The following RPS6KB1 variants were observed in gnomAD, a reference collection of about 807,000 sequenced individuals.
The protein encoded by RPS6KB1 is ribosomal protein S6 kinase B1, also known as ribosomal protein S6 kinase beta-1.
In RPS6KB1, 12 loss-of-function variants were observed where a neutral mutation model predicts 70.2. That is an observed-to-expected ratio of 0.17 (90% CI 0.11 to 0.28). The LOEUF (loss-of-function observed/expected upper bound fraction) is 0.28, where lower values mean the gene tolerates loss of function less well. Ranked by LOEUF, RPS6KB1 falls within the 10% of genes least tolerant of loss-of-function variation. The probability of loss-of-function intolerance (pLI) is 1.00; values close to 1 mark genes in which losing one functional copy is unlikely to be tolerated. For missense variants in RPS6KB1, 270 were observed against 646.6 expected, an observed-to-expected ratio of 0.42 and a Z score of 6.32; for synonymous variants, 175 against 211.2, an observed-to-expected ratio of 0.83 and a Z score of 1.49.
At chr17:59,904,308 T>C (rs1453815424) in intron 1 of RPS6KB1, among the ~76,000 whole-genome samples, 1 of 149,812 alleles carries the variant, frequency 6.7e-6, no homozygotes, top group Non-Finnish European at 1.5e-5. Flanking sequence ...CTCGAACTCC[T>C]GACCTCATGA....
chr17:59,940,901 A>G lies in RPS6KB1; in HGVS notation c.1185A>G (p.Pro395=). The G allele has an allele frequency of 3.1e-6, 5 of 1,597,410 alleles. No individual in the cohort carries two copies. The highest frequency in any genetic ancestry group is 1.3e-5 in the African/African-American group (1 of 75,026). ...KFTRQTPVDS[P]DDSTLSESAN... is the part of the protein sequence containing the mutation. ...CACGTCAGACACCTGTCGACAGCCC[A>G]GATGACTCAACTCTCAGTGAAAGTG... The change falls in exon 13 of 15, where the codon CCA becomes CCG. Residue 395 remains proline, a synonymous_variant. Transcript: ENST00000225577.
At chr17:59,936,605 A>AT (rs1451374948) in intron 12 of RPS6KB1, 64 bp downstream of exon 12, 26 of 1,318,798 alleles carry the variant, frequency 2.0e-5, no homozygotes, top group Middle Eastern at 3.8e-4. Flanking sequence ...CCAAACTTTA[A>AT]AGGGCCAAGG....
At chr17:59,922,978 T>G (rs2043370777) in intron 4 of RPS6KB1, among the ~76,000 whole-genome samples, 1 of 151,264 alleles carries the variant, frequency 6.6e-6, no homozygotes, top group African/African-American at 2.4e-5. Flanking sequence ...GCAATTCTCC[T>G]GCCTCAGCCT....
At chr17:59,901,961 G>A (rs528017254) in intron 1 of RPS6KB1, among the ~76,000 whole-genome samples, 70 of 146,332 alleles carry the variant, frequency 4.8e-4, no homozygotes, top group Middle Eastern at 3.4e-3. Flanking sequence ...TGAGTTTGCC[G>A]TGATCCTGCC....
intron 13 of RPS6KB1, among the ~76,000 whole-genome samples, chr17:59,943,133 A>G (rs960887362): frequency 2.0e-5 from 3 of 152,236 alleles, no homozygotes; most frequent in African/African-American, 7.2e-5. Flanking sequence ...TTACAGTATT[A>G]CATAAGAGAT....
At chr17:59,920,253 G>A (rs1148560) in intron 4 of RPS6KB1, among the ~76,000 whole-genome samples, 25,531 of 152,006 alleles carry the variant, frequency 0.17, 2,473 homozygotes, top group East Asian at 0.39. Context: ...CCTGACCGCA[G>A]GTGATCCACC....
chr17:59,936,388 T>C, intron 11 of RPS6KB1, 76 bp from the exon 12 acceptor site: 1 of 1,530,924 alleles, frequency 6.5e-7, no homozygotes, highest in Non-Finnish European at 9.0e-7. Flanking sequence ...GACTTGTAAC[T>C]TCAAAAAGGT....
In RPS6KB1 at chr17:59,946,818, A is replaced by AT; in HGVS notation, c.*30_*31insT. 6.2e-7 allele frequency: 1 copy of AT among 1,609,800 alleles called. No individual in the cohort carries two copies. The highest frequency in any genetic ancestry group is 1.7e-5 in the Admixed American group (1 of 59,868). ...GCAATGCTTTTAATGAATTTAAGGC[A>AT]AAAAAGGTGGAGAGGGAGATGTGTG... On this transcript the variant is annotated 3_prime_UTR_variant, in exon 15 of 15. Coordinates refer to ENST00000225577, the MANE Select transcript of RPS6KB1 (RefSeq NM_003161.4). This position sits in a 1 kb window ranked among gnomAD's most constrained non-coding sequence, Gnocchi z 4.2.
chr17:59,916,964 C>A (rs1246846922), intron 4 of RPS6KB1, among the ~76,000 whole-genome samples: 3 of 151,990 alleles, frequency 2.0e-5, no homozygotes, highest in Non-Finnish European at 4.4e-5. Context: ...CAGTTTTCTT[C>A]TATTCTTGAG....
At chr17:59,928,388 CT>C (rs34381780) in intron 5 of RPS6KB1, among the ~76,000 whole-genome samples, 11 of 148,106 alleles carry the variant, frequency 7.4e-5, no homozygotes, top group African/African-American at 7.4e-5. Flanking sequence ...CTTTTCTTTT[CT>C]TTTTTTTTTG....
At chr17:59,905,689 A>G (rs983731146) in intron 1 of RPS6KB1, among the ~76,000 whole-genome samples, 1 of 151,858 alleles carries the variant, frequency 6.6e-6, no homozygotes, top group Non-Finnish European at 1.5e-5. Context: ...TATTTTTAGT[A>G]GAGACGGGGT....
At chr17:59,942,227 G>A (rs939107801) in intron 13 of RPS6KB1, among the ~76,000 whole-genome samples, 2 of 152,192 alleles carry the variant, frequency 1.3e-5, no homozygotes, top group African/African-American at 4.8e-5. Flanking sequence ...ATACAGGCAT[G>A]AGCCACCGTG....
chr17:59,895,513 G>T (rs1050413672), intron 1 of RPS6KB1, among the ~76,000 whole-genome samples: 4 of 151,432 alleles, frequency 2.6e-5, no homozygotes, highest in Non-Finnish European at 5.9e-5. Flanking sequence ...AGTAGAGATG[G>T]GGTTTCACCA....
At chr17:59,901,408 T>C (rs1465976985) in intron 1 of RPS6KB1, among the ~76,000 whole-genome samples, 1 of 150,170 alleles carries the variant, frequency 6.7e-6, no homozygotes, top group Non-Finnish European at 1.5e-5. Flanking sequence ...CTCAGCCTCC[T>C]AAAGTGCTGG....
chr17:59,923,554 A>G (rs1467336006), intron 4 of RPS6KB1, among the ~76,000 whole-genome samples: 1 of 151,964 alleles, frequency 6.6e-6, no homozygotes, highest in East Asian at 1.9e-4. Flanking sequence ...TTTGTCCCCC[A>G]GGCTGGAATG....
intron 3 of RPS6KB1, among the ~76,000 whole-genome samples, chr17:59,913,097 G>A (rs1290287769): frequency 6.6e-6 from 1 of 152,110 alleles, no homozygotes; most frequent in Non-Finnish European, 1.5e-5. Context: ...TCTTTACTTT[G>A]GTTAAATGGT....
chr17:59,918,870 C>T (rs1184479342), intron 4 of RPS6KB1, among the ~76,000 whole-genome samples: 1 of 126,042 alleles, frequency 7.9e-6, no homozygotes, highest in African/African-American at 3.1e-5. Flanking sequence ...CTTGCTCTGT[C>T]GTCTAGGCTG....
intron 1 of RPS6KB1, among the ~76,000 whole-genome samples, chr17:59,902,932 G>C (rs2042044398): frequency 6.6e-6 from 1 of 152,058 alleles, no homozygotes; most frequent in South Asian, 2.1e-4. Flanking sequence ...TATAATCCTA[G>C]CACTGTGGGA....
At chr17:59,940,973 G>A (rs2044541933) in intron 13 of RPS6KB1, 30 bp downstream of exon 13, 3 of 1,428,658 alleles carry the variant, frequency 2.1e-6, no homozygotes, top group Middle Eastern at 1.8e-4. Context: ...TGTAGTCATG[G>A]GAAATTTTAG....
Sources: gnomAD v4.1 joint callset for allele counts (sites outside exome capture counted in the v4.1 genomes callset) on GRCh38, gnomAD v4.1.1 for gene constraint, Gnocchi (gnomAD v3.1) non-coding constraint, MANE v1.5 for transcripts, NCBI Gene and HGNC (gene_info 2026-07-23, HGNC 2026-07-21) for gene names.